Variants in XRCC6 observed in about 807,000 individuals in gnomAD.
XRCC6 encodes DNA repair protein Ku70.
In XRCC6, 5 loss-of-function variants were observed where a neutral mutation model predicts 65.7. The ratio of observed to expected loss-of-function variants is 0.08; its 90% CI spans 0.04 to 0.16. XRCC6 has a LOEUF of 0.16. XRCC6 is among the 10% of genes least tolerant of loss of function. The pLI is 1.00. For synonymous variants in XRCC6, 270 were observed against 270.6 expected (o/e 1.00, Z 0.02); for missense variants, 447 against 738.1 (o/e 0.61, Z 4.57).
chr22:41,646,834 G>A lies in XRCC6; in HGVS notation c.774-62G>A, dbSNP rs2067936883. ...AACAGTGAAGCTTTGGTGTTATGAG[G>A]GAATTTTAGATAGAAAAGTGCAGTT... On this transcript the variant is annotated intron_variant, in intron 6 of 12. Coordinates refer to ENST00000360079, the MANE Select transcript of XRCC6 (RefSeq NM_001469.5). The A allele has an allele frequency of 7.9e-6, 11 of 1,391,986 alleles. No individual in the cohort carries two copies. The South Asian group carries it at 1.5e-4, about 19-fold the overall frequency. The allele number at this position is 1,391,986 out of a possible 1,614,324, so 86.2% of individuals were successfully genotyped here.
At chr22:41,651,043 C>T in intron 8 of XRCC6, 152 bp downstream of exon 8, 2 of 1,079,610 alleles carry the variant, frequency 1.9e-6, no homozygotes, top group Non-Finnish European at 2.6e-6. Context: ...CAGTGGCTCA[C>T]ACCTGTAATC....
chr22:41,655,470 T>C (rs2068036423), intron 9 of XRCC6, among the ~76,000 whole-genome samples: 1 of 151,900 alleles, frequency 6.6e-6, no homozygotes, highest in Non-Finnish European at 1.5e-5. Flanking sequence ...CACTTTGGGA[T>C]GCCAAGGTGG....
chr22:41,653,482 G>T, intron 8 of XRCC6, 47 bp from the exon 9 acceptor site: 1 of 1,526,572 alleles, frequency 6.6e-7, no homozygotes, highest in South Asian at 1.3e-5. Context: ...GAGAAGAAAG[G>T]AGGAAACCTT....
chr22:41,658,502 G>T, intron 11 of XRCC6, 150 bp downstream of exon 11: 1 of 731,734 alleles, frequency 1.4e-6, no homozygotes. Context: ...TTCCAGACCA[G>T]CTTAAACAGC....
intron 1 of XRCC6, 25 bp from the exon 2 acceptor site, chr22:41,621,965 A>T (rs766481862): frequency 2.5e-6 from 4 of 1,609,634 alleles, no homozygotes; most frequent in Non-Finnish European, 2.6e-6. Context: ...TTTGCCTGTT[A>T]CTGACGTTAA....
intron 2 of XRCC6, 82 bp from the exon 3 acceptor site, chr22:41,628,036 C>T (rs1034312505): frequency 5.6e-6 from 5 of 885,400 alleles, no homozygotes; most frequent in Non-Finnish European, 8.6e-6. Context: ...GTTATACTTT[C>T]CTTTATGGCC....
chr22:41,663,939 T>G lies in XRCC6; in HGVS notation c.*124T>G. 1 of 1,109,508 alleles carries G rather than the reference T, an allele frequency of 9.0e-7. No individual in the cohort carries two copies. The highest frequency in any genetic ancestry group is 1.3e-6 in the Non-Finnish European group (1 of 786,610). The allele number at this position is 1,109,508 out of a possible 1,614,324, so 68.7% of individuals were successfully genotyped here. A position where few individuals can be genotyped will look rare whatever the true frequency, so the allele number is the denominator to read the frequency against. On this transcript the variant is annotated 3_prime_UTR_variant, in exon 13 of 13. Coordinates refer to ENST00000360079, the MANE Select transcript of XRCC6 (RefSeq NM_001469.5). ...TCTACCCGACATAAGTCGAGGGACT[T>G]TATGTTTTTGAGGCTTTCTGTTGCC...
At chr22:41,659,611 A>AT (rs1467518968) in intron 11 of XRCC6, among the ~76,000 whole-genome samples, 2 of 152,054 alleles carry the variant, frequency 1.3e-5, no homozygotes, top group Non-Finnish European at 2.9e-5. Context: ...AAGTTCTGGG[A>AT]TTATAGGCAT....
In XRCC6 at chr22:41,653,545, C is replaced by T; in HGVS notation, c.1146C>T (p.Phe382=). ...ESLVIGSSTL[F]SALLIKCLEK... The stretch of plus-strand genomic sequence containing the variant: ...GTTTTCTAGGGAGCTCAACCCTGTT[C>T]AGTGCTCTGCTCATCAAGTGTCTGG... Residue 382 remains phenylalanine (F), a synonymous_variant, in exon 9 of 13, where the codon TTC becomes TTT. Coordinates refer to ENST00000360079, the MANE Select transcript of XRCC6 (RefSeq NM_001469.5). 1 of 1,610,854 alleles carries T rather than the reference C, an allele frequency of 6.2e-7. No homozygotes were observed. Among genetic ancestry groups the T allele is most frequent in the Non-Finnish European group, 8.5e-7 (1 of 1,177,798 alleles).
At chr22:41,640,370 T>A (rs132776) in intron 6 of XRCC6, among the ~76,000 whole-genome samples, 1 of 151,874 alleles carries the variant, frequency 6.6e-6, no homozygotes, top group Non-Finnish European at 1.5e-5. Context: ...AGGATGGTCT[T>A]GATCTCCTGA....
chr22:41,622,945 GAA>G (rs536296349), intron 2 of XRCC6, among the ~76,000 whole-genome samples: 3 of 133,394 alleles, frequency 2.2e-5, no homozygotes, highest in East Asian at 2.1e-4. Flanking sequence ...ACTCTCTCAG[GAA>G]AAAAAAAAAA....
chr22:41,641,259 GAACT>G (rs2067872109), intron 6 of XRCC6, among the ~76,000 whole-genome samples: 1 of 152,070 alleles, frequency 6.6e-6, no homozygotes. Flanking sequence ...GAGATATTGA[GAACT>G]AACAATGCCT....
intron 3 of XRCC6, among the ~76,000 whole-genome samples, chr22:41,633,180 C>T (rs2067774225): frequency 6.6e-6 from 1 of 151,944 alleles, no homozygotes; most frequent in African/African-American, 2.4e-5. Flanking sequence ...TAAAAACAAT[C>T]GTTAATTTAA....
At chr22:41,623,597 C>T (rs2067635334) in intron 2 of XRCC6, among the ~76,000 whole-genome samples, 1 of 152,122 alleles carries the variant, frequency 6.6e-6, no homozygotes, top group Non-Finnish European at 1.5e-5. Flanking sequence ...CTGTGTTAGC[C>T]AGGATGGTCT....
chr22:41,651,863 A>C (rs540773801), intron 8 of XRCC6, among the ~76,000 whole-genome samples: 1 of 151,938 alleles, frequency 6.6e-6, no homozygotes, highest in Non-Finnish European at 1.5e-5. Flanking sequence ...GGCTCACTGC[A>C]ATCTCCGTCC....
chr22:41,660,803 A>G (rs2068092567), intron 11 of XRCC6, among the ~76,000 whole-genome samples: 1 of 152,086 alleles, frequency 6.6e-6, no homozygotes, highest in Non-Finnish European at 1.5e-5. Context: ...CTGTAAGCTC[A>G]CCGCAGGCAT....
intron 2 of XRCC6, among the ~76,000 whole-genome samples, chr22:41,626,014 A>G (rs539608623): frequency 2.0e-5 from 3 of 150,694 alleles, no homozygotes; most frequent in African/African-American, 4.9e-5. Flanking sequence ...AATTTTTTGT[A>G]TTTTTAGTAG....
Position 41,657,074 on chromosome 22 carries a change from A to C in XRCC6, c.1421+42A>C, listed in dbSNP as rs1182845219. 3.3e-6 allele frequency: 5 copies of C among 1,528,486 alleles called. No individual in the cohort carries two copies. In the Admixed American group the frequency reaches 1.2e-4, roughly 35 times the overall value. 94.7% of individuals were successfully genotyped at this position (1,528,486 alleles called of 1,614,324 possible). A position where few individuals can be genotyped will look rare whatever the true frequency, so the allele number is the denominator to read the frequency against. On this transcript the variant is annotated intron_variant, in intron 10 of 12. Coordinates refer to ENST00000360079, the MANE Select transcript of XRCC6 (RefSeq NM_001469.5). ...CTTTCTGGAACTGCCTCCTGAGTTG[A>C]AAATCTTATTAGAAACAGCTTGGGC...
Position 41,621,909 on chromosome 22 carries a change from A to G in XRCC6, c.-15-81A>G. 5.1e-6 allele frequency: 7 copies of G among 1,378,148 alleles called. No homozygotes were observed. In the South Asian group the frequency reaches 8.3e-5, roughly 16 times the overall value. 85.4% of individuals were successfully genotyped at this position (1,378,148 alleles called of 1,614,324 possible). ...TCCTCACTACTAACCAAGCTTTTAGAACAGATCTCACAAGAACCTAGAGGT... is the reference window on the plus strand; with the variant it reads ...TCCTCACTACTAACCAAGCTTTTAGGACAGATCTCACAAGAACCTAGAGGT... On this transcript the variant is annotated intron_variant, in intron 1 of 12. Transcript: ENST00000360079.
Sources: allele counts gnomAD v4.1 joint callset (sites outside exome capture counted in the v4.1 genomes callset), GRCh38; gene constraint gnomAD v4.1.1; transcripts MANE v1.5; gene names NCBI Gene and HGNC (gene_info 2026-07-23, HGNC 2026-07-21).